The following KCNH1 variants were observed in gnomAD, a reference collection of about 807,000 sequenced individuals.
KCNH1 encodes the protein potassium voltage-gated channel subfamily H member 1, also known as voltage-gated delayed rectifier potassium channel KCNH1.
In KCNH1, 27 loss-of-function variants were observed where a neutral mutation model predicts 69.2. The observed-to-expected ratio is 0.39, with a 90% CI of 0.29 to 0.54. The LOEUF is 0.54. Ranked by LOEUF, KCNH1 falls within the 20% of genes least tolerant of loss-of-function variation. The pLI is 0.68. For missense variants in KCNH1, 798 were observed against 1,261.6 expected, an observed-to-expected ratio of 0.63 and a Z score of 5.57; for synonymous variants, 456 against 487.7, an observed-to-expected ratio of 0.93 and a Z score of 0.86.
chr1:211,061,034 G>T (rs753504554), intron 5 of KCNH1, among the ~76,000 whole-genome samples: 9 of 152,152 alleles, frequency 5.9e-5, no homozygotes, highest in Non-Finnish European at 8.8e-5. Context: ...CAATATCCCT[G>T]ATGAACATTG....
intron 10 of KCNH1, among the ~76,000 whole-genome samples, chr1:210,746,221 A>G (rs1270545545): frequency 6.6e-6 from 1 of 152,122 alleles, no homozygotes. Context: ...CCAGACTCTG[A>G]GGCAAGGCCC....
intron 10 of KCNH1, among the ~76,000 whole-genome samples, chr1:210,753,745 C>G (rs1323475172): frequency 6.6e-6 from 1 of 152,174 alleles, no homozygotes; most frequent in African/African-American, 2.4e-5. Flanking sequence ...GGCCCTACCC[C>G]ACCCCTACAT....
At chr1:211,070,430 A>AACACAC (rs57063242) in intron 5 of KCNH1, among the ~76,000 whole-genome samples, 95 of 137,134 alleles carry the variant, frequency 6.9e-4, no homozygotes, top group Non-Finnish European at 9.4e-4. Context: ...AAAAAAAAAA[A>AACACAC]ACACACACAC....
intron 9 of KCNH1, among the ~76,000 whole-genome samples, chr1:210,781,464 A>G (rs1250044782): frequency 6.6e-6 from 1 of 152,060 alleles, no homozygotes; most frequent in Non-Finnish European, 1.5e-5. Flanking sequence ...CTTCATCAGG[A>G]TGATGAAATG....
At position 211,077,942 on chromosome 1, in the gene KCNH1, A is replaced by G. The variant is rs1382654932; in HGVS notation, c.558+4838T>C. 2.8e-5 allele frequency among the ~76,000 whole-genome samples: 4 copies of G among 140,460 alleles called. No homozygotes were observed. In the South Asian group the frequency reaches 6.8e-4, roughly 24 times the overall value. 92.1% of individuals were successfully genotyped at this position (140,460 alleles called of 152,430 possible). ...TACTAAGCAAATGGAAAGCAAAAAG[A>G]AAAAAAAAAAAGCAGGGTTGCAATC... On this transcript the variant is annotated intron_variant, in intron 5 of 10. Transcript: ENST00000271751.
chr1:211,001,058 C>A (rs1484377790), intron 6 of KCNH1, among the ~76,000 whole-genome samples: 21 of 152,116 alleles, frequency 1.4e-4, no homozygotes, highest in Non-Finnish European at 1.5e-5. Flanking sequence ...ACCATAAAAA[C>A]CCTAGAAGAA....
At chr1:210,847,306 A>G (rs1057505766) in intron 7 of KCNH1, among the ~76,000 whole-genome samples, 5 of 152,220 alleles carry the variant, frequency 3.3e-5, no homozygotes, top group Admixed American at 2.6e-4. Context: ...CACTATTCAC[A>G]ATAGCAAAGA....
chr1:210,859,401 T>C (rs1685925657), intron 7 of KCNH1: 2 of 1,593,146 alleles, frequency 1.3e-6, no homozygotes, highest in East Asian at 4.5e-5. Context: ...GAAAGATAGC[T>C]TTAAATACCT....
chr1:210,968,316 C>T (rs1478204693), intron 6 of KCNH1, among the ~76,000 whole-genome samples: 3 of 134,764 alleles, frequency 2.2e-5, no homozygotes, highest in Admixed American at 1.6e-4. Context: ...TGAATAATGC[C>T]GCAATAAACA....
intron 10 of KCNH1, among the ~76,000 whole-genome samples, chr1:210,710,365 A>T (rs1369470102): frequency 6.6e-6 from 1 of 152,008 alleles, no homozygotes; most frequent in Non-Finnish European, 1.5e-5. Context: ...TAAACAGTAT[A>T]TGTAGATACA....
At chr1:211,103,340 C>A (rs1691295419) in intron 3 of KCNH1, among the ~76,000 whole-genome samples, 156 bp downstream of exon 3, 1 of 152,208 alleles carries the variant, frequency 6.6e-6, no homozygotes, top group Admixed American at 6.5e-5. Context: ...TGTAAGTGAT[C>A]AATCTATATC....
chr1:210,910,386 G>A (rs570325270), intron 7 of KCNH1, among the ~76,000 whole-genome samples: 2 of 152,226 alleles, frequency 1.3e-5, no homozygotes, highest in African/African-American at 2.4e-5. Flanking sequence ...ACTAGCCTAC[G>A]GCAAAAAGGA....
intron 7 of KCNH1, among the ~76,000 whole-genome samples, chr1:210,821,227 T>A (rs554166001): frequency 1.3e-5 from 2 of 152,294 alleles, no homozygotes; most frequent in African/African-American, 4.8e-5. Context: ...ACCATCACAC[T>A]GGGGATTAGG....
chr1:210,693,537 A>T (rs1681569642), intron 10 of KCNH1, among the ~76,000 whole-genome samples: 1 of 152,230 alleles, frequency 6.6e-6, no homozygotes, highest in South Asian at 2.1e-4. Context: ...GAAGCAGAGG[A>T]GTGGACAGAT....
chr1:210,972,225 T>C (rs1321744130), intron 6 of KCNH1, among the ~76,000 whole-genome samples: 1 of 152,148 alleles, frequency 6.6e-6, no homozygotes, highest in East Asian at 1.9e-4. Context: ...TTTTTTAATA[T>C]AGTATCTCTT....
chr1:210,775,299 G>T, intron 10 of KCNH1, 49 bp downstream of exon 10: 2 of 1,506,000 alleles, frequency 1.3e-6, no homozygotes, highest in Non-Finnish European at 1.8e-6. Context: ...ATTATCCAAA[G>T]TGTACAGAGA....
chr1:210,910,753 G>A (rs1162849883), intron 7 of KCNH1, among the ~76,000 whole-genome samples: 3 of 152,212 alleles, frequency 2.0e-5, no homozygotes, highest in Non-Finnish European at 4.4e-5. Flanking sequence ...TGGGAGAGGT[G>A]AATAAAGAAT....
intron 10 of KCNH1, among the ~76,000 whole-genome samples, chr1:210,729,893 T>C (rs1194799104): frequency 6.6e-6 from 1 of 152,228 alleles, no homozygotes; most frequent in Non-Finnish European, 1.5e-5. Flanking sequence ...ATCAGCTTGC[T>C]TTGAGACTTA....
intron 6 of KCNH1, among the ~76,000 whole-genome samples, chr1:210,978,148 C>A (rs1038013299): frequency 1.3e-5 from 2 of 151,884 alleles, no homozygotes; most frequent in African/African-American, 4.8e-5. Flanking sequence ...ACGCCATTCC[C>A]CTGTCTCAGC....
Sources: gnomAD v4.1 joint callset for allele counts (sites outside exome capture counted in the v4.1 genomes callset) on GRCh38, gnomAD v4.1.1 for gene constraint, MANE v1.5 for transcripts, NCBI Gene and HGNC (gene_info 2026-07-23, HGNC 2026-07-21) for gene names.